The following CACNA2D2 variants were observed in gnomAD, a reference collection of about 807,000 sequenced individuals.
CACNA2D2 encodes the protein calcium voltage-gated channel auxiliary subunit alpha2delta 2.
A neutral mutation model predicts 166.4 loss-of-function variants in CACNA2D2; 48 were observed. The observed-to-expected ratio is 0.29, with a 90% CI of 0.23 to 0.37. The LOEUF (loss-of-function observed/expected upper bound fraction) is 0.37, where lower values mean the gene tolerates loss of function less well. CACNA2D2 is among the 10% of genes least tolerant of loss of function. The pLI, the probability that CACNA2D2 is intolerant of heterozygous loss-of-function variation, is 1.00. For missense variants in CACNA2D2, 1,122 were observed against 1,433.0 expected (o/e 0.78, Z 3.50); for synonymous variants, 561 against 573.7 (o/e 0.98, Z 0.32).
intron 23 of CACNA2D2, among the ~76,000 whole-genome samples, chr3:50,368,855 T>C (rs1704497090): frequency 6.6e-6 from 1 of 152,214 alleles, no homozygotes. Context: ...CATGGGGCTG[T>C]GGGGCGTGAG....
intron 1 of CACNA2D2, among the ~76,000 whole-genome samples, chr3:50,482,174 C>T (rs1176059347): frequency 2.0e-5 from 3 of 152,206 alleles, no homozygotes; most frequent in Admixed American, 6.5e-5. Flanking sequence ...CCCCAGCAGT[C>T]ACTCCAAGCT....
Position 50,366,014 on chromosome 3 carries a change from A to G in CACNA2D2, c.2859T>C (p.Phe953=). 6.2e-7 allele frequency: 1 copy of G among 1,612,274 alleles called. No individual in the cohort carries two copies. Among genetic ancestry groups the G allele is most frequent in the African/African-American group, 1.3e-5 (1 of 75,032 alleles). Residue 953 remains phenylalanine (F), a synonymous_variant, in exon 32 of 38, where the codon TTT becomes TTC. Transcript: ENST00000424201. The surrounding 1 kb of genome is among the most constrained non-coding windows in gnomAD (Gnocchi z 5.9). ...CCAGGCATCTCTGGGGACTCACCAC[A>G]AAGACACCCCGGGGTGCAGCACCCA... ...GNLGAAPRGV[F]VPTVADFLNL...
At chr3:50,479,460 A>G (rs544549046) in intron 1 of CACNA2D2, among the ~76,000 whole-genome samples, 1 of 152,380 alleles carries the variant, frequency 6.6e-6, no homozygotes, top group Admixed American at 6.5e-5. Flanking sequence ...TGTGTCTCAG[A>G]GTTAAAAGAA....
intron 3 of CACNA2D2, among the ~76,000 whole-genome samples, chr3:50,414,946 G>A (rs2106815416): frequency 6.6e-6 from 1 of 152,332 alleles, no homozygotes; most frequent in East Asian, 1.9e-4. Context: ...TAGAAATGAA[G>A]AGAATTTGTA....
intron 4 of CACNA2D2, among the ~76,000 whole-genome samples, chr3:50,392,899 G>T (rs1373877127): frequency 6.6e-6 from 1 of 152,194 alleles, no homozygotes; most frequent in Non-Finnish European, 1.5e-5. Context: ...TCATTCATTT[G>T]TTCACCTTAG....
At chr3:50,485,225 C>T (rs1020103018) in intron 1 of CACNA2D2, among the ~76,000 whole-genome samples, 2 of 152,148 alleles carry the variant, frequency 1.3e-5, no homozygotes, top group African/African-American at 4.8e-5. Flanking sequence ...CCCACCCCTA[C>T]CCTCACCCCC....
intron 2 of CACNA2D2, 41 bp downstream of exon 2, chr3:50,476,077 A>T: frequency 6.7e-7 from 1 of 1,493,456 alleles, no homozygotes; most frequent in Non-Finnish European, 9.2e-7. Flanking sequence ...CTTCCCTTGG[A>T]AGAGGGTCCC....
At chr3:50,400,698 C>T (rs1372796323) in intron 3 of CACNA2D2, among the ~76,000 whole-genome samples, 1 of 152,258 alleles carries the variant, frequency 6.6e-6, no homozygotes, top group Non-Finnish European at 1.5e-5. Context: ...GCACTGTTGA[C>T]ATGCATGCCT....
chr3:50,378,256 T>A (rs765907558), intron 14 of CACNA2D2, 28 bp downstream of exon 14: 86 of 1,554,982 alleles, frequency 5.5e-5, no homozygotes, highest in Non-Finnish European at 6.2e-5. Context: ...AGCCAGGGGC[T>A]GGGAGGAGGG....
chr3:50,468,431 G>GTGTGTA (rs1553751786), intron 2 of CACNA2D2, among the ~76,000 whole-genome samples: 6 of 147,608 alleles, frequency 4.1e-5, no homozygotes, highest in Non-Finnish European at 7.5e-5. Flanking sequence ...GTGTGTGTGT[G>GTGTGTA]TGTGTGTGTG....
intron 22 of CACNA2D2, chr3:50,373,198 G>A (rs990496153): frequency 2.3e-5 from 20 of 877,666 alleles, no homozygotes; most frequent in Non-Finnish European, 3.2e-5. Context: ...TTATTCAATG[G>A]CTGTTTGAAT....
chr3:50,381,622 C>T (rs919713783), intron 6 of CACNA2D2, among the ~76,000 whole-genome samples: 1 of 128,414 alleles, frequency 7.8e-6, no homozygotes, highest in East Asian at 2.4e-4. Context: ...CATGATTAAT[C>T]AACTGGGGCC....
chr3:50,379,751 C>A lies in CACNA2D2; in HGVS notation c.967G>T (p.Asp323Tyr). The A allele has an allele frequency of 1.2e-6, 2 of 1,613,954 alleles. No individual in the cohort carries two copies. Among genetic ancestry groups the A allele is most frequent in the Non-Finnish European group, 1.7e-6 (2 of 1,180,036 alleles). Residue 323 changes from aspartate to tyrosine, a missense_variant, in exon 10 of 38, where the codon GAT (aspartate) becomes TAT (tyrosine). Transcript: ENST00000424201. The surrounding 1 kb of genome is among the most constrained non-coding windows in gnomAD (Gnocchi z 6.5). ...SVCEMLDTLS[D>Y]DDYVNVASFN... ...GAGGCCACATTCACATAGTCATCAT[C>A]AGACAGCGTGTCCAGCATCTCGCAG... is the stretch of plus-strand genomic sequence containing the variant.
At chr3:50,458,627 G>T (rs1440950509) in intron 2 of CACNA2D2, among the ~76,000 whole-genome samples, 1 of 152,220 alleles carries the variant, frequency 6.6e-6, no homozygotes, top group Non-Finnish European at 1.5e-5. Flanking sequence ...AATGGTGCCT[G>T]GCGAACTTTC....
chr3:50,407,632 T>G (rs967433014), intron 3 of CACNA2D2, among the ~76,000 whole-genome samples: 1 of 152,206 alleles, frequency 6.6e-6, no homozygotes. Flanking sequence ...GATACCATTC[T>G]CTGAATCCTG....
At chr3:50,412,233 A>G (rs183200050) in intron 3 of CACNA2D2, among the ~76,000 whole-genome samples, 1 of 152,372 alleles carries the variant, frequency 6.6e-6, no homozygotes, top group Non-Finnish European at 1.5e-5. Context: ...AAATTAAGCT[A>G]TCTCTGCCCA....
intron 1 of CACNA2D2, among the ~76,000 whole-genome samples, chr3:50,493,707 G>A (rs1698608571): frequency 1.3e-5 from 2 of 152,358 alleles, no homozygotes; most frequent in Admixed American, 1.3e-4. Context: ...AGATCTTGAG[G>A]GGGTCGCAGT....
rs1287814130 is a variant in CACNA2D2 at position 50,377,818 on chromosome 3, A to T, written c.1480-15T>A. 5 of 1,609,148 alleles carry T rather than the reference A, an allele frequency of 3.1e-6. No individual in the cohort carries two copies. The highest frequency in any genetic ancestry group is 2.7e-5 in the African/African-American group (2 of 74,884). On this transcript the variant is annotated splice_polypyrimidine_tract_variant and intron_variant, in intron 15 of 37. Transcript: ENST00000424201. ...AACCCCAGTCCCTGAAGGGAGAGGA[A>T]GATGATGGAGTCACCTGTGGCCAGC... is the stretch of plus-strand genomic sequence containing the variant.
chr3:50,393,206 G>A (rs1705970802), intron 4 of CACNA2D2, among the ~76,000 whole-genome samples: 1 of 152,200 alleles, frequency 6.6e-6, no homozygotes, highest in East Asian at 1.9e-4. Flanking sequence ...GCTTCCTAGA[G>A]CAGATGTGCC....
Sources: allele counts gnomAD v4.1 joint callset (sites outside exome capture counted in the v4.1 genomes callset), GRCh38; gene constraint gnomAD v4.1.1; non-coding constraint Gnocchi (gnomAD v3.1); transcripts MANE v1.5; gene names NCBI Gene and HGNC (gene_info 2026-07-23, HGNC 2026-07-21).